Variants in H3-3A observed in about 807,000 individuals in gnomAD.
The protein encoded by H3-3A is histone H3.3.
For missense variants in H3-3A, 7 were observed against 184.0 expected (o/e 0.04, Z 5.57); for synonymous variants, 49 against 61.4 (o/e 0.80, Z 0.95).
intron 1 of H3-3A, among the ~76,000 whole-genome samples, chr1:226,063,319 C>T (rs1355416290): frequency 6.6e-6 from 1 of 152,192 alleles, no homozygotes; most frequent in South Asian, 2.1e-4. Flanking sequence ...ATTTTTTCCC[C>T]CGTTTCTCTC....
chr1:226,071,325 T>C (rs772748613), intron 3 of H3-3A, 26 bp from the exon 4 acceptor site: 59 of 1,597,710 alleles, frequency 3.7e-5, no homozygotes, highest in Non-Finnish European at 5.0e-5. Context: ...ACATCATCAG[T>C]AATTTTTTCT....
chr1:226,068,278 C>T (rs1209299826), intron 3 of H3-3A, among the ~76,000 whole-genome samples: 3 of 152,196 alleles, frequency 2.0e-5, no homozygotes, highest in Non-Finnish European at 4.4e-5. Context: ...TGACCAGACA[C>T]AATCCTTATA....
chr1:226,064,226 T>C (rs923180342), intron 1 of H3-3A, 103 bp from the exon 2 acceptor site: 17 of 767,806 alleles, frequency 2.2e-5, no homozygotes, highest in African/African-American at 1.4e-4. Context: ...TTATTTTTTA[T>C]ACTGATCATA....
At position 226,071,796 on chromosome 1, in the gene H3-3A, A is replaced by C. The variant is rs1297711262; in HGVS notation, c.*317A>C. The stretch of plus-strand genomic sequence containing the variant: ...TAAACCTGTTAAATTTTTCTGGACA[A>C]TGCCAGCATTTGGATTTTTTTAAAA... On this transcript the variant is annotated 3_prime_UTR_variant, in exon 4 of 4. Transcript: ENST00000366815. 4.6e-6 allele frequency: 1 copy of C among 217,088 alleles called. No individual in the cohort carries two copies. Among genetic ancestry groups the C allele is most frequent in the Non-Finnish European group, 8.8e-6 (1 of 113,410 alleles). The allele number at this position is 217,088 out of a possible 1,614,324, so 13.4% of individuals were successfully genotyped here. A position where few individuals can be genotyped will look rare whatever the true frequency, so the allele number is the denominator to read the frequency against.
intron 3 of H3-3A, among the ~76,000 whole-genome samples, chr1:226,070,730 G>GCACTCCAGCA (rs1558103197): frequency 6.6e-6 from 1 of 151,950 alleles, no homozygotes; most frequent in East Asian, 1.9e-4. Flanking sequence ...CCGAGATCGC[G>GCACTCCAGCA]CTACTGCACT....
At chr1:226,064,835 C>T (rs554406744) in intron 2 of H3-3A, among the ~76,000 whole-genome samples, 5 of 152,076 alleles carry the variant, frequency 3.3e-5, no homozygotes, top group Admixed American at 6.5e-5. Flanking sequence ...GGTTATCTTT[C>T]CTAGTTTTTG....
rs1558100732 is a variant in H3-3A at position 226,063,287 on chromosome 1, C to CT, written c.-24+477dup. On this transcript the variant is annotated intron_variant, in intron 1 of 3. Transcript: ENST00000366815. ...GTTGCTAAGCTTCACCATCTTGTCTCTCTTCTCTGGTCACCGACCATATTT... is the reference window on the plus strand; with the variant it reads ...GTTGCTAAGCTTCACCATCTTGTCTCTTCTTCTCTGGTCACCGACCATATTT... Among the ~76,000 whole-genome samples, 5 of 152,160 alleles carry CT rather than the reference C, an allele frequency of 3.3e-5. No individual in the cohort carries two copies. In the South Asian group the frequency reaches 8.3e-4, roughly 25 times the overall value.
intron 2 of H3-3A, 49 bp downstream of exon 2, chr1:226,064,528 C>A (rs763924881): frequency 1.3e-5 from 19 of 1,500,376 alleles, no homozygotes; most frequent in Non-Finnish European, 1.6e-5. Flanking sequence ...TTGTATGTAT[C>A]CACATAATTT....
At chr1:226,065,875 T>A in intron 3 of H3-3A, 66 bp downstream of exon 3, 1 of 1,173,742 alleles carries the variant, frequency 8.5e-7, no homozygotes. Flanking sequence ...AGTTCCAAAT[T>A]GTTGCATGTG....
chr1:226,062,033 G>C (rs544192069), upstream of H3-3A: 12 of 152,304 alleles, frequency 7.9e-5, no homozygotes, highest in Non-Finnish European at 1.5e-5. Flanking sequence ...GGCCGCACTT[G>C]GCCGAGCGCG....
At chr1:226,069,814 G>A (rs1333035368) in intron 3 of H3-3A, among the ~76,000 whole-genome samples, 1 of 152,102 alleles carries the variant, frequency 6.6e-6, no homozygotes, top group African/African-American at 2.4e-5. Flanking sequence ...CAGGGCTACA[G>A]AGCAAGACTC....
intron 3 of H3-3A, chr1:226,067,342 G>A (rs1657961506): frequency 6.6e-6 from 1 of 152,160 alleles, no homozygotes; most frequent in Admixed American, 6.5e-5. Flanking sequence ...TCTGTCCACA[G>A]TTCTCTTAGT....
intron 1 of H3-3A, chr1:226,063,849 C>T (rs1657829212): frequency 6.8e-6 from 1 of 147,442 alleles, no homozygotes; most frequent in African/African-American, 2.6e-5. Context: ...AGATGCAAAA[C>T]CAAGAATATT....
chr1:226,062,796 C>A lies in H3-3A; in HGVS notation c.-39C>A. Reference sequence around the variant, plus strand: ...CCGCCTCTCGCTCGCCGAGCTCCAGCCGAAGGAGAAGGGGGGTAAGTTTCC... The same window carrying A: ...CCGCCTCTCGCTCGCCGAGCTCCAGACGAAGGAGAAGGGGGGTAAGTTTCC... On this transcript the variant is annotated 5_prime_UTR_variant, in exon 1 of 4. Transcript: ENST00000366815. 1.2e-5 allele frequency: 2 copies of A among 168,356 alleles called. No individual in the cohort carries two copies. The highest frequency in any genetic ancestry group is 1.4e-5 in the Non-Finnish European group (1 of 72,428). 10.4% of individuals were successfully genotyped at this position (168,356 alleles called of 1,614,324 possible).
chr1:226,071,231 A>G lies in H3-3A; in HGVS notation c.283-120A>G, dbSNP rs77853027. The stretch of plus-strand genomic sequence containing the variant: ...AATGTAAGCATTTGGTAAAATTGTC[A>G]GCATCTTGCCCAGTCATTTTTTTAA... On this transcript the variant is annotated intron_variant, in intron 3 of 3. Coordinates refer to ENST00000366815, the MANE Select transcript of H3-3A (RefSeq NM_002107.7). 6,058 of 704,544 alleles carry G rather than the reference A, an allele frequency of 8.6e-3. 299 individuals are homozygous for G. In the African/African-American group the frequency reaches 0.098, roughly 11 times the overall value. 43.6% of individuals were successfully genotyped at this position (704,544 alleles called of 1,614,324 possible).
At chr1:226,062,500 A>T (rs1657746170), upstream of H3-3A, among the ~76,000 whole-genome samples, 1 of 145,824 alleles carries the variant, frequency 6.9e-6, no homozygotes, top group South Asian at 2.1e-4. Flanking sequence ...GTTTGTACAC[A>T]CACGGCGCGA....
chr1:226,065,570 G>A (rs1168843174), intron 2 of H3-3A, 86 bp from the exon 3 acceptor site: 2 of 954,906 alleles, frequency 2.1e-6, no homozygotes, highest in Non-Finnish European at 3.1e-6. Context: ...TTTTTTGAAA[G>A]ATTACTGCAT....
intron 3 of H3-3A, chr1:226,066,225 T>C (rs3768543): frequency 0.3 from 65,242 of 220,266 alleles, 10,744 homozygotes; most frequent in African/African-American, 0.48. Flanking sequence ...TGAAGAAACA[T>C]ATAGGTAGAG....
In H3-3A at chr1:226,071,835, T is replaced by G. The variant is rs1658138408; in HGVS notation, c.*356T>G. 4.7e-6 allele frequency: 1 copy of G among 211,302 alleles called. No homozygotes were observed. Among genetic ancestry groups the G allele is most frequent in the Non-Finnish European group, 9.3e-6 (1 of 107,788 alleles). 13.1% of individuals were successfully genotyped at this position (211,302 alleles called of 1,614,324 possible). ...ATTTTTTTAAAACAAGTAAATTTCT[T>G]ATTGATGGCAACTAAATGGTGTTTG... On this transcript the variant is annotated 3_prime_UTR_variant, in exon 4 of 4. Transcript: ENST00000366815.
Sources: gnomAD v4.1 joint callset for allele counts (sites outside exome capture counted in the v4.1 genomes callset) on GRCh38, gnomAD v4.1.1 for gene constraint, MANE v1.5 for transcripts, NCBI Gene and HGNC (gene_info 2026-07-23, HGNC 2026-07-21) for gene names.